SLIT3: variants seen among roughly 807,000 people sequenced by gnomAD.
SLIT3 encodes slit homolog 3 protein.
SLIT3 carries 68 observed loss-of-function variants against 184.0 expected under a neutral mutation model. The ratio of observed to expected loss-of-function variants is 0.37; its 90% CI spans 0.30 to 0.45. The LOEUF (loss-of-function observed/expected upper bound fraction) is 0.45. SLIT3 is among the 20% of genes least tolerant of loss of function. The pLI is 1.00. For synonymous variants in SLIT3, 831 were observed against 828.6 expected, an observed-to-expected ratio of 1.00 and a Z score of -0.05; for missense variants, 1,707 against 2,026.0, an observed-to-expected ratio of 0.84 and a Z score of 3.02.
At chr5:168,737,524 C>T (rs571160063) in intron 20 of SLIT3, among the ~76,000 whole-genome samples, 3 of 152,314 alleles carry the variant, frequency 2.0e-5, no homozygotes, top group Admixed American at 6.5e-5. Flanking sequence ...TCTCAGACCC[C>T]GCATCCTAAT....
chr5:168,728,415 A>G (rs978986584), intron 20 of SLIT3, among the ~76,000 whole-genome samples: 1 of 152,082 alleles, frequency 6.6e-6, no homozygotes, highest in Non-Finnish European at 1.5e-5. Flanking sequence ...AACAGCAGGG[A>G]AATATGATGC....
In SLIT3 at chr5:169,053,960, G is replaced by A. The variant is rs527343186; in HGVS notation, c.413+139519C>T. Among the ~76,000 whole-genome samples, 19 of 152,038 alleles carry A rather than the reference G, an allele frequency of 1.2e-4. No homozygotes were observed. In the South Asian group the frequency reaches 2.5e-3, roughly 20 times the overall value. On this transcript the variant is annotated intron_variant, in intron 4 of 35. Transcript: ENST00000519560. ...ACAAAAGTTAGCCAGGCCTGGTGGC[G>A]CACGCCTGTAATCCCAGCTACTCGG...
At chr5:168,936,599 C>G (rs919753) in intron 4 of SLIT3, among the ~76,000 whole-genome samples, 1 of 151,934 alleles carries the variant, frequency 6.6e-6, no homozygotes, top group African/African-American at 2.4e-5. Context: ...TGAGAAAGAA[C>G]GAATCTCCCC....
chr5:169,257,917 G>A (rs759052172), intron 1 of SLIT3, among the ~76,000 whole-genome samples: 1 of 152,032 alleles, frequency 6.6e-6, no homozygotes, highest in African/African-American at 2.4e-5. Flanking sequence ...TTACTTCAAC[G>A]AATTAAAATG....
rs560978806 is a variant in SLIT3 at position 169,081,035 on chromosome 5, T to C, written c.413+112444A>G. On this transcript the variant is annotated intron_variant, in intron 4 of 35. Transcript: ENST00000519560. ...AGCACTGTGGCTGCCCCCGCCCCCCTTCCCCAGGGCTCCCCGCTCCAGCTC... is the reference window on the plus strand; with the variant it reads ...AGCACTGTGGCTGCCCCCGCCCCCCCTCCCCAGGGCTCCCCGCTCCAGCTC... 3.3e-5 allele frequency among the ~76,000 whole-genome samples: 5 copies of C among 152,228 alleles called. No individual in the cohort carries two copies. In the East Asian group the frequency reaches 9.7e-4, roughly 29 times the overall value.
chr5:169,186,581 A>C (rs906837987), intron 4 of SLIT3, among the ~76,000 whole-genome samples: 1 of 152,182 alleles, frequency 6.6e-6, no homozygotes, highest in Non-Finnish European at 1.5e-5. Context: ...AGAAGGTGGA[A>C]TTCAAACCCA....
At position 168,892,634 on chromosome 5, in the gene SLIT3, C is replaced by A. The variant is rs138443360; in HGVS notation, c.414-9298G>T. Among the ~76,000 whole-genome samples, 3 of 152,348 alleles carry A rather than the reference C, an allele frequency of 2.0e-5. No homozygotes were observed. The East Asian group carries it at 5.8e-4, about 29-fold the overall frequency. ...CCTCCTGTGAACAGATACCTCTTTG[C>A]AGCCATAGGATTTAATCTGAGTTTT... On this transcript the variant is annotated intron_variant, in intron 4 of 35. Coordinates refer to ENST00000519560, the MANE Select transcript of SLIT3 (RefSeq NM_003062.4).
At chr5:168,739,571 C>T (rs1291343085) in intron 20 of SLIT3, among the ~76,000 whole-genome samples, 2 of 152,172 alleles carry the variant, frequency 1.3e-5, no homozygotes, top group South Asian at 2.1e-4. Flanking sequence ...TCTCCTGCCT[C>T]ACCCTCCCAA....
At chr5:169,019,236 C>T (rs534694811) in intron 4 of SLIT3, among the ~76,000 whole-genome samples, 9 of 152,298 alleles carry the variant, frequency 5.9e-5, no homozygotes, top group Admixed American at 3.9e-4. Flanking sequence ...ACCTGGGGGT[C>T]GACCTTTGCA....
rs10063541 is a variant in SLIT3, at chr5:168,802,962, A to T, written c.935+3484T>A. Among the ~76,000 whole-genome samples the T allele has an allele frequency of 1.7e-3, 266 of 152,350 alleles. 2 individuals carry two copies. Among genetic ancestry groups the T allele is most frequent in the African/African-American group, 6.2e-3 (259 of 41,588 alleles). ...CTGCCCATGGCTACAAGGCAGAGCCAAAGCTGGAATGTATGTCTGCTGGGA... is the reference window on the plus strand; with the variant it reads ...CTGCCCATGGCTACAAGGCAGAGCCTAAGCTGGAATGTATGTCTGCTGGGA... On this transcript the variant is annotated intron_variant, in intron 9 of 35. Coordinates refer to ENST00000519560, the MANE Select transcript of SLIT3 (RefSeq NM_003062.4).
chr5:168,966,818 C>T (rs56962629), intron 4 of SLIT3, among the ~76,000 whole-genome samples: 3,343 of 152,222 alleles, frequency 0.022, 137 homozygotes, highest in African/African-American at 0.076. Flanking sequence ...CCCCCATGAA[C>T]GTGAGGACAG....
At chr5:168,727,973 G>T (rs1195597590) in intron 20 of SLIT3, among the ~76,000 whole-genome samples, 1 of 152,140 alleles carries the variant, frequency 6.6e-6, no homozygotes, top group Non-Finnish European at 1.5e-5. Flanking sequence ...CTGGTCCAGG[G>T]AGGATCTCTT....
Position 168,673,319 on chromosome 5 carries a change from C to T in SLIT3, c.3699G>A (p.Val1233=). ...CCACACTGTGAAACTGCCCATCATT[C>T]ACTGTCTCCACACTGGCCAGTAGAG... ...PPTTVYSVET[V]NDGQFHSVEL... Residue 1233 remains valine (V), a synonymous_variant, in exon 33 of 36, where the codon GTG becomes GTA. Coordinates refer to ENST00000519560, the MANE Select transcript of SLIT3 (RefSeq NM_003062.4). The T allele has an allele frequency of 6.2e-7, 1 of 1,614,186 alleles. No homozygotes were observed. The highest frequency in any genetic ancestry group is 8.5e-7 in the Non-Finnish European group (1 of 1,180,032).
chr5:169,089,036 AAAAAAAAAAAAAAAAAAAAG>A (rs1759455927), intron 4 of SLIT3, among the ~76,000 whole-genome samples: 1 of 139,194 alleles, frequency 7.2e-6, no homozygotes, highest in African/African-American at 3.0e-5. Flanking sequence ...AAAAAAAAAA[AAAAAAAAAAAAAAAAAAAAG>A]AAGTGCTGAC....
chr5:168,808,339 G>T (rs959516), intron 8 of SLIT3, among the ~76,000 whole-genome samples: 81,847 of 151,664 alleles, frequency 0.54, 22,826 homozygotes, highest in African/African-American at 0.68. Context: ...GAGAGTGTTG[G>T]GGCTGAGAAT....
At chr5:168,681,868 C>T (rs963778237) in intron 32 of SLIT3, among the ~76,000 whole-genome samples, 1 of 152,206 alleles carries the variant, frequency 6.6e-6, no homozygotes, top group Middle Eastern at 3.2e-3. Context: ...GCTTAATCTG[C>T]CAAGCACTTC....
At chr5:168,947,383 A>T (rs7712757) in intron 4 of SLIT3, among the ~76,000 whole-genome samples, 1 of 151,890 alleles carries the variant, frequency 6.6e-6, no homozygotes, top group African/African-American at 2.4e-5. Context: ...AGGGAGAGCC[A>T]CCGTCTGCCG....
At chr5:169,216,237 C>T (rs369851438) in intron 3 of SLIT3, among the ~76,000 whole-genome samples, 4 of 152,296 alleles carry the variant, frequency 2.6e-5, no homozygotes, top group Non-Finnish European at 4.4e-5. Context: ...GTGCAGATCA[C>T]CTGCTCACCT....
intron 4 of SLIT3, among the ~76,000 whole-genome samples, chr5:169,145,819 G>A (rs1761905022): frequency 1.3e-5 from 2 of 152,184 alleles, no homozygotes; most frequent in African/African-American, 2.4e-5. Context: ...AGGCCAAGGC[G>A]GACAGATTGC....
Sources: allele counts gnomAD v4.1 joint callset (sites outside exome capture counted in the v4.1 genomes callset), GRCh38; gene constraint gnomAD v4.1.1; transcripts MANE v1.5; gene names NCBI Gene and HGNC (gene_info 2026-07-23, HGNC 2026-07-21).